CAMTA1: variants seen among roughly 807,000 people sequenced by gnomAD.
The protein encoded by CAMTA1 is calmodulin binding transcription activator 1.
A neutral mutation model predicts 170.9 loss-of-function variants in CAMTA1; 27 were observed. That is an observed-to-expected ratio of 0.16 (90% CI 0.12 to 0.22). CAMTA1 has a LOEUF of 0.22. Ranked by LOEUF, CAMTA1 falls within the 10% of genes least tolerant of loss-of-function variation. The probability of loss-of-function intolerance (pLI) is 1.00; values close to 1 mark genes in which losing one functional copy is unlikely to be tolerated. For synonymous variants in CAMTA1, 833 were observed against 891.5 expected (o/e 0.93, Z 1.17); for missense variants, 1,619 against 2,217.2 (o/e 0.73, Z 5.42).
chr1:7,677,838 G>A (rs1399470932), intron 11 of CAMTA1, 105 bp downstream of exon 11: 11 of 1,361,392 alleles, frequency 8.1e-6, no homozygotes, highest in Non-Finnish European at 9.9e-6. Context: ...AAAGGGGCAG[G>A]AAGTGGTGCC....
intron 11 of CAMTA1, among the ~76,000 whole-genome samples, chr1:7,684,379 CCAGA>C (rs1455915826): frequency 1.3e-5 from 2 of 152,198 alleles, no homozygotes; most frequent in Non-Finnish European, 2.9e-5. Flanking sequence ...CCTGTGACTG[CCAGA>C]CAAATGCCCA....
chr1:7,502,907 G>A (rs1251705323), intron 6 of CAMTA1, among the ~76,000 whole-genome samples: 5 of 145,174 alleles, frequency 3.4e-5, no homozygotes, highest in Admixed American at 6.8e-5. Flanking sequence ...CCCCTGCCCC[G>A]CACCCCCTGC....
chr1:7,390,788 G>A (rs1191473025), intron 5 of CAMTA1, among the ~76,000 whole-genome samples: 1 of 152,250 alleles, frequency 6.6e-6, no homozygotes, highest in African/African-American at 2.4e-5. Context: ...GGCTGCCATT[G>A]AGAGCCTGTG....
At chr1:7,335,644 G>T (rs7524250) in intron 5 of CAMTA1, among the ~76,000 whole-genome samples, 2,772 of 152,258 alleles carry the variant, frequency 0.018, 87 homozygotes, top group African/African-American at 0.061. Context: ...GTGAGGCCAG[G>T]ATTTATACTC....
At chr1:6,790,228 T>C (rs1190705130) in intron 1 of CAMTA1, among the ~76,000 whole-genome samples, 1 of 152,078 alleles carries the variant, frequency 6.6e-6, no homozygotes, top group African/African-American at 2.4e-5. Context: ...CTTACAAAGA[T>C]ATAGTGTAAT....
At position 7,632,319 on chromosome 1, in the gene CAMTA1, G is replaced by A. The variant is rs367833932; in HGVS notation, c.511-8081G>A. On this transcript the variant is annotated intron_variant, in intron 6 of 22. Transcript: ENST00000303635. The stretch of plus-strand genomic sequence containing the variant: ...CAGGCCCGCCCCCCGCGCCCCCAGC[G>A]GCAAGTGGGGAGGTGTGTGGCACTA... Among the ~76,000 whole-genome samples, 59 of 152,310 alleles carry A rather than the reference G, an allele frequency of 3.9e-4. 1 individual carries two copies. The South Asian group carries it at 8.9e-3, about 23-fold the overall frequency.
intron 5 of CAMTA1, among the ~76,000 whole-genome samples, chr1:7,368,790 AATGATTGGATGAGCCTGACGTGAG>A (rs1340790492): frequency 2.0e-5 from 3 of 152,052 alleles, no homozygotes; most frequent in African/African-American, 7.2e-5. Context: ...TAAATTGTTA[AATGATTGGATGAGCCTGACGTGAG>A]ATGAGGACCT....
At chr1:6,916,676 A>G (rs761640390) in intron 3 of CAMTA1, among the ~76,000 whole-genome samples, 22 of 152,188 alleles carry the variant, frequency 1.4e-4, no homozygotes, top group Non-Finnish European at 3.1e-4. Context: ...TGGGCTCCCT[A>G]GGCATCCAGA....
chr1:7,696,004 G>GT (rs2096371874), intron 11 of CAMTA1, among the ~76,000 whole-genome samples: 1 of 152,128 alleles, frequency 6.6e-6, no homozygotes, highest in South Asian at 2.1e-4. Context: ...GGAGTAGCTA[G>GT]TTGCTTCCCT....
chr1:7,718,705 A>G (rs2096629709), intron 11 of CAMTA1, among the ~76,000 whole-genome samples: 1 of 151,614 alleles, frequency 6.6e-6, no homozygotes, highest in Non-Finnish European at 1.5e-5. Flanking sequence ...ATACGGGCAC[A>G]TGCTACCATG....
chr1:7,528,975 ATGCCAGTAACTAGTC>A (rs1477955132), intron 6 of CAMTA1, among the ~76,000 whole-genome samples: 3 of 100,398 alleles, frequency 3.0e-5, no homozygotes, highest in Non-Finnish European at 3.8e-5. Flanking sequence ...GTAACTAGTC[ATGCCAGTAACTAGTC>A]ATGCCAGTAA....
At chr1:7,226,991 C>T (rs1661824535) in intron 4 of CAMTA1, among the ~76,000 whole-genome samples, 2 of 152,132 alleles carry the variant, frequency 1.3e-5, no homozygotes, top group South Asian at 4.2e-4. Context: ...CACCACCACG[C>T]CTGGCTAATT....
At chr1:7,552,954 G>A (rs2150193434) in intron 6 of CAMTA1, among the ~76,000 whole-genome samples, 1 of 152,298 alleles carries the variant, frequency 6.6e-6, no homozygotes, top group South Asian at 2.1e-4. Context: ...TGTCATTGTG[G>A]CAAACCTTCC....
chr1:7,747,642 T>C (rs537345694), intron 18 of CAMTA1, 68 bp from the exon 19 acceptor site: 1 of 1,059,030 alleles, frequency 9.4e-7, no homozygotes, highest in Non-Finnish European at 1.4e-6. Flanking sequence ...AAATGAGTAG[T>C]AATAAAAAGC....
At chr1:7,270,011 G>T (rs542553960) in intron 5 of CAMTA1, among the ~76,000 whole-genome samples, 1 of 151,964 alleles carries the variant, frequency 6.6e-6, no homozygotes, top group African/African-American at 2.4e-5. Context: ...TACAAACATT[G>T]CAAGCTGGAA....
chr1:7,025,782 G>A (rs569184949), intron 3 of CAMTA1, among the ~76,000 whole-genome samples: 4 of 152,296 alleles, frequency 2.6e-5, no homozygotes, highest in South Asian at 2.1e-4. Flanking sequence ...GAAGGCTTCC[G>A]GGAGAAGTAA....
At chr1:7,237,339 G>C (rs1664068414) in intron 4 of CAMTA1, among the ~76,000 whole-genome samples, 1 of 152,196 alleles carries the variant, frequency 6.6e-6, no homozygotes, top group Non-Finnish European at 1.5e-5. Flanking sequence ...GGAATGGGCT[G>C]ACAGGAGAAA....
chr1:7,295,232 C>T (rs375621977), intron 5 of CAMTA1, among the ~76,000 whole-genome samples: 1 of 152,178 alleles, frequency 6.6e-6, no homozygotes, highest in African/African-American at 2.4e-5. Context: ...ATGGACAATG[C>T]TGGGAACAGT....
At chr1:7,657,918 G>A (rs1472527291) in intron 7 of CAMTA1, among the ~76,000 whole-genome samples, 1 of 152,202 alleles carries the variant, frequency 6.6e-6, no homozygotes, top group Non-Finnish European at 1.5e-5. Flanking sequence ...AACATAAGGA[G>A]GAGAACAAGA....
Sources: allele counts gnomAD v4.1 joint callset (sites outside exome capture counted in the v4.1 genomes callset), GRCh38; gene constraint gnomAD v4.1.1; transcripts MANE v1.5; gene names NCBI Gene and HGNC (gene_info 2026-07-23, HGNC 2026-07-21).